The following KDM4D variants were observed in gnomAD, a reference collection of about 807,000 sequenced individuals.
The protein encoded by KDM4D is lysine demethylase 4D.
For missense variants in KDM4D, 427 were observed against 674.8 expected (o/e 0.63, Z 4.07); for synonymous variants, 254 against 249.1 (o/e 1.02, Z -0.19).
At chr11:94,996,843 C>T (rs918818971) in intron 2 of KDM4D, among the ~76,000 whole-genome samples, 181 bp from the exon 3 acceptor site, 4 of 152,184 alleles carry the variant, frequency 2.6e-5, no homozygotes, top group Non-Finnish European at 5.9e-5. Context: ...GCTTCATATT[C>T]TCTGTAGTAG....
chr11:94,998,269 A>G lies in KDM4D; in HGVS notation c.897A>G (p.Arg299=). The change falls in exon 3 of 3, where the codon CGA becomes CGG. Residue 299 remains arginine (R), a synonymous_variant. Transcript: ENST00000335080. This position sits in a 1 kb window ranked among gnomAD's most constrained non-coding sequence, Gnocchi z 6.7. ...CAEAINFATP[R]WIDYGKMASQ... ...AGGCCATCAATTTTGCCACTCCGCG[A>G]TGGATTGATTATGGCAAAATGGCCT... 1.9e-6 allele frequency: 3 copies of G among 1,614,182 alleles called. No individual in the cohort carries two copies. Among genetic ancestry groups the G allele is most frequent in the Non-Finnish European group, 2.5e-6 (3 of 1,180,020 alleles).
intron 2 of KDM4D, among the ~76,000 whole-genome samples, chr11:94,984,315 C>A (rs1286588383): frequency 6.6e-6 from 1 of 151,574 alleles, no homozygotes; most frequent in African/African-American, 2.4e-5. Context: ...GGCAACATGG[C>A]AAATCCCTGT....
At chr11:94,981,561 C>T (rs1168878612) in intron 2 of KDM4D, among the ~76,000 whole-genome samples, 1 of 151,960 alleles carries the variant, frequency 6.6e-6, no homozygotes, top group Non-Finnish European at 1.5e-5. Context: ...ATTCTTTTGT[C>T]AGTATCACTG....
intron 2 of KDM4D, among the ~76,000 whole-genome samples, chr11:94,976,265 C>G (rs1857796528): frequency 6.6e-6 from 1 of 152,104 alleles, no homozygotes; most frequent in African/African-American, 2.4e-5. Flanking sequence ...TATTTTCCCC[C>G]TCTACAATAA....
At chr11:94,979,579 A>G (rs1314547392) in intron 2 of KDM4D, among the ~76,000 whole-genome samples, 1 of 152,168 alleles carries the variant, frequency 6.6e-6, no homozygotes, top group Non-Finnish European at 1.5e-5. Context: ...TTTAAATTTT[A>G]TATAAATGTT....
chr11:94,995,757 G>A (rs782428705), intron 2 of KDM4D, among the ~76,000 whole-genome samples: 5 of 152,110 alleles, frequency 3.3e-5, no homozygotes, highest in Admixed American at 1.3e-4. Flanking sequence ...TCTAGCCCAC[G>A]AACCTCCCTC....
intron 2 of KDM4D, among the ~76,000 whole-genome samples, chr11:94,983,346 A>C (rs1857857901): frequency 6.6e-6 from 1 of 152,114 alleles, no homozygotes; most frequent in South Asian, 2.1e-4. Context: ...AAAAGTGAAA[A>C]GCAAAGAAAA....
chr11:94,991,655 A>T (rs960933577), intron 2 of KDM4D, among the ~76,000 whole-genome samples: 9 of 151,990 alleles, frequency 5.9e-5, no homozygotes, highest in African/African-American at 2.2e-4. Flanking sequence ...ATTTTTTAGA[A>T]GATAAAATAT....
intron 2 of KDM4D, among the ~76,000 whole-genome samples, chr11:94,992,480 G>A (rs898124066): frequency 6.6e-6 from 1 of 151,954 alleles, no homozygotes; most frequent in Admixed American, 6.6e-5. Flanking sequence ...CGTTGTCCAA[G>A]AAATGTAAAT....
chr11:94,986,042 A>G (rs1364649542), intron 2 of KDM4D, among the ~76,000 whole-genome samples: 2 of 152,230 alleles, frequency 1.3e-5, no homozygotes, highest in African/African-American at 4.8e-5. Flanking sequence ...ACAAAAATTG[A>G]TAAGACGGGC....
Position 94,997,813 on chromosome 11 carries a change from A to C in KDM4D, c.441A>C (p.Glu147Asp). 1 of 1,614,238 alleles carries C rather than the reference A, an allele frequency of 6.2e-7. No homozygotes were observed. Among genetic ancestry groups the C allele is most frequent in the Non-Finnish European group, 8.5e-7 (1 of 1,180,030 alleles). Reference sequence around the variant, plus strand: ...ACATCAGTGGCTCCTTGTTTGATGAAAACACTAAACAATGGAATCTTGGGC... The same window carrying C: ...ACATCAGTGGCTCCTTGTTTGATGACAACACTAAACAATGGAATCTTGGGC... The part of the protein sequence containing the change: ...GADISGSLFD[E>D]NTKQWNLGHL... The change falls in exon 3 of 3, where the codon GAA (glutamate) becomes GAC (aspartate). Residue 147 changes from glutamate (E) to aspartate (D), a missense_variant. Coordinates refer to ENST00000335080, the MANE Select transcript of KDM4D (RefSeq NM_018039.3).
In KDM4D at chr11:94,998,882, C is replaced by G. The variant is rs1180796959; in HGVS notation, c.1510C>G (p.Leu504Val). The change falls in exon 3 of 3, where the codon CTG becomes GTG. Residue 504 changes from leucine (L) to valine (V), a missense_variant. Leu to Val is a conservative substitution (Grantham distance 32, BLOSUM62 1). Coordinates refer to ENST00000335080, the MANE Select transcript of KDM4D (RefSeq NM_018039.3). This position sits in a 1 kb window ranked among gnomAD's most constrained non-coding sequence, Gnocchi z 6.7. ...GGCTTTGATGGACAAGCCTGTACCA[C>G]TGAGCCCAGGGCTCCAGCATCCTGT... Reference protein sequence around the residue: ...DGALMDKPVPLSPGLQHPVKA... With the variant: ...DGALMDKPVPVSPGLQHPVKA... 6 of 1,524,088 alleles carry G rather than the reference C, an allele frequency of 3.9e-6. No individual in the cohort carries two copies. Among genetic ancestry groups the G allele is most frequent in the Non-Finnish European group, 5.3e-6 (6 of 1,136,164 alleles). The allele number at this position is 1,524,088 out of a possible 1,614,324, so 94.4% of individuals were successfully genotyped here.
chr11:94,992,536 A>G (rs1176662067), intron 2 of KDM4D, among the ~76,000 whole-genome samples: 5 of 152,108 alleles, frequency 3.3e-5, no homozygotes, highest in African/African-American at 1.2e-4. Flanking sequence ...AGTAAAATAT[A>G]TATTTTTTCA....
Position 94,998,319 on chromosome 11 carries a change from G to C in KDM4D, c.947G>C (p.Arg316Thr), listed in dbSNP as rs782044085. The C allele has an allele frequency of 5.0e-6, 8 of 1,614,180 alleles. No individual in the cohort carries two copies. Among genetic ancestry groups the C allele is most frequent in the Non-Finnish European group, 6.8e-6 (8 of 1,180,014 alleles). Residue 316 changes from arginine (R) to threonine (T), a missense_variant, in exon 3 of 3, where the codon AGG becomes ACG. Coordinates refer to ENST00000335080, the MANE Select transcript of KDM4D (RefSeq NM_018039.3). This position sits in a 1 kb window ranked among gnomAD's most constrained non-coding sequence, Gnocchi z 6.7. ...TCCCAGTGTAGCTGTGGGGAGGCAA[G>C]GGTGACCTTTTCCATGGATGCCTTC... ...MASQCSCGEA[R>T]VTFSMDAFVR...
At chr11:94,987,447 A>G (rs957477245) in intron 2 of KDM4D, among the ~76,000 whole-genome samples, 2 of 152,182 alleles carry the variant, frequency 1.3e-5, no homozygotes, top group Non-Finnish European at 2.9e-5. Context: ...TTGGGCCCCA[A>G]TATCAAAGGA....
chr11:94,985,528 G>A (rs188200332), intron 2 of KDM4D, among the ~76,000 whole-genome samples: 3 of 152,220 alleles, frequency 2.0e-5, no homozygotes, highest in African/African-American at 7.2e-5. Flanking sequence ...CCAGATTGAT[G>A]CAATCCTACC....
chr11:94,997,894 C>T lies in KDM4D; in HGVS notation c.522C>T (p.Gly174=), dbSNP rs782438155. 6 of 1,614,192 alleles carry T rather than the reference C, an allele frequency of 3.7e-6. No homozygotes were observed. Among genetic ancestry groups the T allele is most frequent in the East Asian group, 2.2e-5 (1 of 44,884 alleles). Residue 174 remains glycine, a synonymous_variant, in exon 3 of 3, where the codon GGC becomes GGT. Transcript: ENST00000335080. ...LEKECGVVIE[G]VNTPYLYFGM... is the part of the protein sequence containing the mutation. The stretch of plus-strand genomic sequence containing the variant: ...AGGAATGTGGGGTTGTCATAGAAGG[C>T]GTCAATACACCCTACTTGTACTTTG...
intron 2 of KDM4D, among the ~76,000 whole-genome samples, chr11:94,985,393 CAAAA>C (rs1857876886): frequency 6.6e-6 from 1 of 152,084 alleles, no homozygotes; most frequent in South Asian, 2.1e-4. Context: ...ATAAATTTAA[CAAAA>C]GAAGTGCAAG....
At chr11:94,976,663 A>C (rs1681604084) in intron 2 of KDM4D, among the ~76,000 whole-genome samples, 1 of 152,066 alleles carries the variant, frequency 6.6e-6, no homozygotes, top group Non-Finnish European at 1.5e-5. Context: ...AGGCTCTTTC[A>C]TTTTAGTATG....
Sources: gnomAD v4.1 joint callset for allele counts (sites outside exome capture counted in the v4.1 genomes callset) on GRCh38, gnomAD v4.1.1 for gene constraint, Gnocchi (gnomAD v3.1) non-coding constraint, MANE v1.5 for transcripts, NCBI Gene and HGNC (gene_info 2026-07-23, HGNC 2026-07-21) for gene names.